INTS3: variants seen among roughly 807,000 people sequenced by gnomAD.
INTS3 encodes SOSS complex subunit A.
A neutral mutation model predicts 146.3 loss-of-function variants in INTS3; 34 were observed. The observed-to-expected ratio is 0.23, with a 90% confidence interval of 0.18 to 0.31. The LOEUF is 0.31. Ranked by LOEUF, INTS3 falls within the 10% of genes least tolerant of loss-of-function variation. INTS3 has a pLI of 1.00. For missense variants in INTS3, 757 were observed against 1,304.2 expected, an observed-to-expected ratio of 0.58 and a Z score of 6.46; for synonymous variants, 475 against 494.9, an observed-to-expected ratio of 0.96 and a Z score of 0.53.
intron 1 of INTS3, among the ~76,000 whole-genome samples, chr1:153,738,485 T>C (rs1671385081): frequency 6.6e-6 from 1 of 152,200 alleles, no homozygotes; most frequent in South Asian, 2.1e-4. Flanking sequence ...AGTTTATGCA[T>C]TTTTGGCAAG....
At chr1:153,753,257 A>G (rs1672029500) in intron 8 of INTS3, among the ~76,000 whole-genome samples, 2 of 152,134 alleles carry the variant, frequency 1.3e-5, no homozygotes, top group Admixed American at 1.3e-4. Context: ...ACATTTATAC[A>G]TAAAGAAACT....
At chr1:153,737,338 A>T (rs1671334361) in intron 1 of INTS3, among the ~76,000 whole-genome samples, 1 of 152,234 alleles carries the variant, frequency 6.6e-6, no homozygotes, top group African/African-American at 2.4e-5. Context: ...TTGACTTACG[A>T]GTCGCATTTT....
At chr1:153,750,867 C>T (rs1671931155) in intron 6 of INTS3, 1 of 471,418 alleles carries the variant, frequency 2.1e-6, no homozygotes, top group Non-Finnish European at 3.7e-6. Context: ...TGGCACTTAT[C>T]TTTATAGGCA....
At position 153,757,673 on chromosome 1, in the gene INTS3, C is replaced by T; in HGVS notation, c.1059C>T (p.Ile353=). Residue 353 remains isoleucine (I), a synonymous_variant, in exon 10 of 30, where the codon ATC becomes ATT. Coordinates refer to ENST00000318967, the MANE Select transcript of INTS3 (RefSeq NM_023015.5). This position sits in a 1 kb window ranked among gnomAD's most constrained non-coding sequence, Gnocchi z 4.0. The part of the protein sequence containing the change: ...QSLRCDLIRY[I]CGVVHPSNEV... ...TGCGCTGTGACCTCATTCGCTACAT[C>T]TGTGGGGTAGTCCACCCTTCTAATG... 1 of 1,614,160 alleles carries T rather than the reference C, an allele frequency of 6.2e-7. No homozygotes were observed. The highest frequency in any genetic ancestry group is 8.5e-7 in the Non-Finnish European group (1 of 1,179,998).
chr1:153,735,114 C>T (rs1273668382), intron 1 of INTS3, among the ~76,000 whole-genome samples: 3 of 152,004 alleles, frequency 2.0e-5, no homozygotes, highest in East Asian at 1.9e-4. Flanking sequence ...ACTATAGGCA[C>T]GCCACCACAC....
At position 153,772,316 on chromosome 1, in the gene INTS3, C is replaced by T. The variant is rs574145795; in HGVS notation, c.2721-24C>T. Reference sequence around the variant, plus strand: ...TCTGGAACCCTCCCACACTCAGACTCTGGCTCTGGTGATTCCTGCACAGCC... The same window carrying T: ...TCTGGAACCCTCCCACACTCAGACTTTGGCTCTGGTGATTCCTGCACAGCC... On this transcript the variant is annotated intron_variant, in intron 26 of 29. Transcript: ENST00000318967. This position sits in a 1 kb window ranked among gnomAD's most constrained non-coding sequence, Gnocchi z 4.6. The T allele has an allele frequency of 6.2e-7, 1 of 1,609,956 alleles. No homozygotes were observed. The highest frequency in any genetic ancestry group is 1.1e-5 in the South Asian group (1 of 90,708).
At position 153,774,252 on chromosome 1, in the gene INTS3, T is replaced by C. The variant is rs1445126188; in HGVS notation, c.*982T>C. 6.6e-6 allele frequency: 1 copy of C among 152,248 alleles called. No individual in the cohort carries two copies. Among genetic ancestry groups the C allele is most frequent in the Non-Finnish European group, 1.5e-5 (1 of 68,086 alleles). 9.4% of individuals were successfully genotyped at this position (152,248 alleles called of 1,614,324 possible). The stretch of plus-strand genomic sequence containing the variant: ...TTTGGCCACTACCCATCCTTCCTGC[T>C]GCCACTGGAGGTGGGAGCCAGGCAC... On this transcript the variant is annotated 3_prime_UTR_variant, in exon 30 of 30. Transcript: ENST00000318967.
At position 153,728,146 on chromosome 1, in the gene INTS3, C is replaced by T. The variant is rs1209750164; in HGVS notation, c.-489C>T. 1.3e-5 allele frequency: 5 copies of T among 397,564 alleles called. No individual in the cohort carries two copies. The highest frequency in any genetic ancestry group is 8.3e-5 in the African/African-American group (4 of 48,454). The allele number at this position is 397,564 out of a possible 1,614,324, so 24.6% of individuals were successfully genotyped here. A position where few individuals can be genotyped will look rare whatever the true frequency, so the allele number is the denominator to read the frequency against. ...CTCCCATAGCGCTTATTGCCTCACC[C>T]TCACCCCCTAGGGGCCGGATCCAAA... On this transcript the variant is annotated 5_prime_UTR_variant, in exon 1 of 30. Coordinates refer to ENST00000318967, the MANE Select transcript of INTS3 (RefSeq NM_023015.5).
At chr1:153,756,781 A>T (rs1170937393) in intron 9 of INTS3, among the ~76,000 whole-genome samples, 1 of 152,142 alleles carries the variant, frequency 6.6e-6, no homozygotes, top group Non-Finnish European at 1.5e-5. Context: ...GCACCATTGC[A>T]CTCCAGCCTG....
intron 22 of INTS3, 82 bp from the exon 23 acceptor site, chr1:153,769,687 G>T: frequency 1.2e-6 from 1 of 860,796 alleles, no homozygotes; most frequent in African/African-American, 1.7e-5. Flanking sequence ...TCCCTTACGA[G>T]CCCTCCTGCG....
In INTS3 at chr1:153,772,020, CGGTGGTGGTGGTGGTGGTGGT is replaced by C; in HGVS notation, c.2720+68_2720+88del. On this transcript the variant is annotated intron_variant, in intron 26 of 29. Transcript: ENST00000318967. The surrounding 1 kb of genome is among the most constrained non-coding windows in gnomAD (Gnocchi z 4.6). Reference sequence around the variant, plus strand: ...CATGGCGGTCTGCAGTGATTGCTGTCGGTGGTGGTGGTGGTGGTGGTGGTGGTGGTGATGGGGGTCAGTGCT... The same window carrying C: ...CATGGCGGTCTGCAGTGATTGCTGTCGGTGGTGGTGATGGGGGTCAGTGCT... 8.5e-7 allele frequency: 1 copy of C among 1,182,420 alleles called. No homozygotes were observed. The highest frequency in any genetic ancestry group is 1.2e-6 in the Non-Finnish European group (1 of 833,542). The allele number at this position is 1,182,420 out of a possible 1,614,324, so 73.2% of individuals were successfully genotyped here.
At chr1:153,734,805 A>G (rs1671229616) in intron 1 of INTS3, among the ~76,000 whole-genome samples, 1 of 152,142 alleles carries the variant, frequency 6.6e-6, no homozygotes, top group African/African-American at 2.4e-5. Flanking sequence ...ATAGGAGAGA[A>G]AGCTTTTTAG....
chr1:153,745,541 T>G (rs1671697446), intron 3 of INTS3, among the ~76,000 whole-genome samples: 1 of 152,022 alleles, frequency 6.6e-6, no homozygotes, highest in South Asian at 2.1e-4. Context: ...CTGCCTAGTT[T>G]CTACTCTTTC....
Position 153,759,432 on chromosome 1 carries a change from C to T in INTS3, c.1150-94C>T, listed in dbSNP as rs138302915. On this transcript the variant is annotated intron_variant, in intron 10 of 29. Coordinates refer to ENST00000318967, the MANE Select transcript of INTS3 (RefSeq NM_023015.5). ...TAGGAACTGAATTTCATAGATGAAA[C>T]AGCCAAGTGGGGCCTGGAATCTGTC... is the stretch of plus-strand genomic sequence containing the variant. 7.9e-4 allele frequency: 658 copies of T among 832,718 alleles called. 3 individuals carry two copies. The African/African-American group carries it at 0.01, about 13-fold the overall frequency. 51.6% of individuals were successfully genotyped at this position (832,718 alleles called of 1,614,324 possible).
At chr1:153,762,642 G>A in intron 14 of INTS3, 86 bp from the exon 15 acceptor site, 1 of 1,498,950 alleles carries the variant, frequency 6.7e-7, no homozygotes, top group South Asian at 1.2e-5. Context: ...TCTCTCACTT[G>A]CCCTCCATTC....
chr1:153,732,894 C>G (rs1313360273), intron 1 of INTS3, among the ~76,000 whole-genome samples: 2 of 151,144 alleles, frequency 1.3e-5, no homozygotes, highest in Admixed American at 1.3e-4. Flanking sequence ...ACCTGCACTT[C>G]CCAGATTCAA....
At position 153,728,590 on chromosome 1, in the gene INTS3, C is replaced by A. The variant is rs759483847; in HGVS notation, c.-45C>A. On this transcript the variant is annotated 5_prime_UTR_variant, in exon 1 of 30. Coordinates refer to ENST00000318967, the MANE Select transcript of INTS3 (RefSeq NM_023015.5). ...CAGAGATCCCGATATCTAGGACTGT[C>A]CATCCATCCACTCCCTGACCTTTTC... is the stretch of plus-strand genomic sequence containing the variant. 2 of 1,567,296 alleles carry A rather than the reference C, an allele frequency of 1.3e-6. No homozygotes were observed. The highest frequency in any genetic ancestry group is 2.3e-5 in the South Asian group (2 of 86,564).
intron 9 of INTS3, among the ~76,000 whole-genome samples, chr1:153,755,168 T>C (rs1304510888): frequency 6.6e-6 from 1 of 152,170 alleles, no homozygotes; most frequent in East Asian, 1.9e-4. Flanking sequence ...GACTGAATAA[T>C]GGCAGAATTA....
At chr1:153,729,946 G>A (rs552015528) in intron 1 of INTS3, among the ~76,000 whole-genome samples, 55 of 151,970 alleles carry the variant, frequency 3.6e-4, no homozygotes, top group African/African-American at 7.7e-4. Flanking sequence ...TATTCAACTC[G>A]GTGGTTATCC....
Sources: gnomAD v4.1 joint callset for allele counts (sites outside exome capture counted in the v4.1 genomes callset) on GRCh38, gnomAD v4.1.1 for gene constraint, Gnocchi (gnomAD v3.1) non-coding constraint, MANE v1.5 for transcripts, NCBI Gene and HGNC (gene_info 2026-07-23, HGNC 2026-07-21) for gene names.